RNF187: variants seen among roughly 807,000 people sequenced by gnomAD.
RNF187 encodes E3 ubiquitin-protein ligase RNF187.
In RNF187, 18 loss-of-function variants were observed where a neutral mutation model predicts 22.2. That is an observed-to-expected ratio of 0.81 (90% CI 0.56 to 1.20). The LOEUF (loss-of-function observed/expected upper bound fraction) is 1.20. Among genes scored for constraint, RNF187 ranks in the 50% most tolerant of loss-of-function variants. RNF187 has a pLI of 0.00. For missense variants in RNF187, 329 were observed against 317.6 expected (o/e 1.04, Z -0.27); for synonymous variants, 164 against 140.9 (o/e 1.16, Z -1.16).
At position 228,493,552 on chromosome 1, in the gene RNF187, C is replaced by T; in HGVS notation, c.705+278C>T. On this transcript the variant is annotated intron_variant, in intron 3 of 3. Coordinates refer to ENST00000305943, the MANE Select transcript of RNF187 (RefSeq NM_001010858.3). This position sits in a 1 kb window ranked among gnomAD's most constrained non-coding sequence, Gnocchi z 4.7. ...GAGCATGGAAGGCTCCTGCCTCGCC[C>T]TGGGGTCCTGAAGGCAGAAGCAGCC... Among the ~76,000 whole-genome samples the T allele has an allele frequency of 6.6e-6, 1 of 152,242 alleles. No homozygotes were observed. Among genetic ancestry groups the T allele is most frequent in the East Asian group, 1.9e-4 (1 of 5,202 alleles).
Position 228,495,121 on chromosome 1 carries a change from C to T in RNF187, c.*1236C>T. ...ATTGAGATGGGTGTGGGACCCTTTC[C>T]TTGGGGCCTGGGGGGAGATGGGGCT... On this transcript the variant is annotated 3_prime_UTR_variant, in exon 4 of 4. Transcript: ENST00000305943. The T allele has an allele frequency of 1.2e-6, 1 of 826,196 alleles. No homozygotes were observed. Among genetic ancestry groups the T allele is most frequent in the Non-Finnish European group, 1.5e-6 (1 of 684,510 alleles). 51.2% of individuals were successfully genotyped at this position (826,196 alleles called of 1,614,324 possible). A position where few individuals can be genotyped will look rare whatever the true frequency, so the allele number is the denominator to read the frequency against.
chr1:228,492,930 C>T, intron 2 of RNF187, 123 bp from the exon 3 acceptor site: 14 of 1,079,408 alleles, frequency 1.3e-5, no homozygotes, highest in East Asian at 1.0e-4. Flanking sequence ...GCCTAATAGT[C>T]GATGTGCCTG....
At chr1:228,488,785 G>A in intron 1 of RNF187, among the ~76,000 whole-genome samples, 175 bp from the exon 2 acceptor site, 1 of 152,244 alleles carries the variant, frequency 6.6e-6, no homozygotes, top group Admixed American at 6.5e-5. Flanking sequence ...TAGGTGTGAA[G>A]CCCAAGAAAC....
chr1:228,487,977 C>T, intron 1 of RNF187, 99 bp downstream of exon 1: 2 of 742,936 alleles, frequency 2.7e-6, no homozygotes, highest in Non-Finnish European at 3.4e-6. Context: ...CCCGTCTCCA[C>T]TGTTCCTGTC....
chr1:228,493,149 G>T lies in RNF187; in HGVS notation c.580G>T (p.Glu194Ter). The change falls in exon 3 of 4, where the codon GAG becomes TAG. Residue 194 changes from glutamate (E) to a stop codon, truncating the protein, a stop_gained. Transcript: ENST00000305943. LOFTEE classifies it high-confidence loss of function. The surrounding 1 kb of genome is among the most constrained non-coding windows in gnomAD (Gnocchi z 4.7). Reference sequence around the variant, plus strand: ...GGAGGAGCATTTCCTGCAGGAGGCTGAGAAGGAGGAGGGGCTCCCTGAGGA... The same window carrying T: ...GGAGGAGCATTTCCTGCAGGAGGCTTAGAAGGAGGAGGGGCTCCCTGAGGA... 2 of 1,551,770 alleles carry T rather than the reference G, an allele frequency of 1.3e-6. No individual in the cohort carries two copies. Among genetic ancestry groups the T allele is most frequent in the Non-Finnish European group, 1.7e-6 (2 of 1,147,014 alleles).
At position 228,493,780 on chromosome 1, in the gene RNF187, AT is replaced by A; in HGVS notation, c.706-102del. 8.0e-7 allele frequency: 1 copy of A among 1,251,026 alleles called. No homozygotes were observed. Among genetic ancestry groups the A allele is most frequent in the Non-Finnish European group, 1.1e-6 (1 of 874,556 alleles). 77.5% of individuals were successfully genotyped at this position (1,251,026 alleles called of 1,614,324 possible). On this transcript the variant is annotated intron_variant, in intron 3 of 3. Transcript: ENST00000305943. This position sits in a 1 kb window ranked among gnomAD's most constrained non-coding sequence, Gnocchi z 4.7. ...AGGACAGTACCTCATGCGCTGTCTC[AT>A]GTGCGCTCTCTCTTTCGCTCTCTCC... is the stretch of plus-strand genomic sequence containing the variant.
In RNF187 at chr1:228,493,345, G is replaced by A; in HGVS notation, c.705+71G>A. ...CGCAGGCAGCAGCGAGCCATTGGGG[G>A]ACCATTGCCCGAAGTCAAGGCTTAA... On this transcript the variant is annotated intron_variant, in intron 3 of 3. Coordinates refer to ENST00000305943, the MANE Select transcript of RNF187 (RefSeq NM_001010858.3). The surrounding 1 kb of genome is among the most constrained non-coding windows in gnomAD (Gnocchi z 4.7). The A allele has an allele frequency of 3.8e-5, 57 of 1,497,322 alleles. No homozygotes were observed. Among genetic ancestry groups the A allele is most frequent in the Non-Finnish European group, 5.1e-5 (57 of 1,117,688 alleles). 92.8% of individuals were successfully genotyped at this position (1,497,322 alleles called of 1,614,324 possible). A position where few individuals can be genotyped will look rare whatever the true frequency, so the allele number is the denominator to read the frequency against.
chr1:228,489,005 G>C lies in RNF187; in HGVS notation c.436G>C (p.Ala146Pro). ...AATCATGAGAAAGGACTTGAATGAC[G>C]CCCGGGACCTGCATGGCCAGGCAGA... The change falls in exon 2 of 4, where the codon GCC (alanine) becomes CCC (proline). Residue 146 changes from alanine to proline, a missense_variant. Coordinates refer to ENST00000305943, the MANE Select transcript of RNF187 (RefSeq NM_001010858.3). The C allele has an allele frequency of 6.4e-7, 1 of 1,550,632 alleles. No homozygotes were observed. Among genetic ancestry groups the C allele is most frequent in the Non-Finnish European group, 8.7e-7 (1 of 1,146,954 alleles).
chr1:228,494,004 C>G lies in RNF187; in HGVS notation c.*119C>G. Reference sequence around the variant, plus strand: ...GGCAGGCGCCTGGCCTTGGGTCCATCTACATAGTTGCGTGTTTCAACAATG... The same window carrying G: ...GGCAGGCGCCTGGCCTTGGGTCCATGTACATAGTTGCGTGTTTCAACAATG... On this transcript the variant is annotated 3_prime_UTR_variant, in exon 4 of 4. Coordinates refer to ENST00000305943, the MANE Select transcript of RNF187 (RefSeq NM_001010858.3). The G allele has an allele frequency of 1.9e-6, 3 of 1,550,402 alleles. No individual in the cohort carries two copies. The highest frequency in any genetic ancestry group is 1.2e-5 in the South Asian group (1 of 84,024).
chr1:228,495,454 G>A lies in RNF187; in HGVS notation c.*1569G>A. 5.1e-6 allele frequency: 5 copies of A among 984,884 alleles called. No individual in the cohort carries two copies. The highest frequency in any genetic ancestry group is 1.2e-6 in the Non-Finnish European group (1 of 829,542). 61.0% of individuals were successfully genotyped at this position (984,884 alleles called of 1,614,324 possible). On this transcript the variant is annotated 3_prime_UTR_variant, in exon 4 of 4. Transcript: ENST00000305943. ...AGATTCCAGAGCCTGGCCAGAGTTT[G>A]GCCAAGTAGAGAATCTTTGTCAGCA...
chr1:228,487,935 C>G, intron 1 of RNF187, 57 bp downstream of exon 1: 1 of 1,054,328 alleles, frequency 9.5e-7, no homozygotes, highest in African/African-American at 1.7e-5. Flanking sequence ...CCTCTCCGCC[C>G]CCGCCCCGGT....
Position 228,493,844 on chromosome 1 carries a change from T to C in RNF187, c.706-39T>C. On this transcript the variant is annotated intron_variant, in intron 3 of 3. Transcript: ENST00000305943. The surrounding 1 kb of genome is among the most constrained non-coding windows in gnomAD (Gnocchi z 4.7). ...CTCTGACTCTGTGTGTCTCTTTCTC[T>C]TTTTGTCTCTCTGTCTTTCCCTCTC... The C allele has an allele frequency of 3.9e-6, 6 of 1,549,628 alleles. No individual in the cohort carries two copies. Among genetic ancestry groups the C allele is most frequent in the East Asian group, 2.4e-5 (1 of 40,910 alleles).
chr1:228,491,974 A>C, intron 2 of RNF187, among the ~76,000 whole-genome samples: 2 of 152,146 alleles, frequency 1.3e-5, no homozygotes, highest in African/African-American at 4.8e-5. Flanking sequence ...ATTTTATTTG[A>C]TATGGGGAGG....
rs367995056 is a variant in RNF187 at position 228,493,184 on chromosome 1, T to A, written c.615T>A (p.Ala205=). The change falls in exon 3 of 4, where the codon GCT becomes GCA. Residue 205 remains alanine, a synonymous_variant. Coordinates refer to ENST00000305943, the MANE Select transcript of RNF187 (RefSeq NM_001010858.3). The surrounding 1 kb of genome is among the most constrained non-coding windows in gnomAD (Gnocchi z 4.7). ...AGGGGCTCCCTGAGGACGAGCTGGC[T>A]GACCCCACTGAGCGGTTCAGGTCAC... 1.2e-4 allele frequency: 182 copies of A among 1,551,590 alleles called. No individual in the cohort carries two copies. Among genetic ancestry groups the A allele is most frequent in the Non-Finnish European group, 1.5e-4 (173 of 1,147,014 alleles).
chr1:228,487,452 C>A lies in RNF187; in HGVS notation c.-37C>A. ...GTCTAGGTCTCCGGCCCTCCCCAGC[C>A]GCTCCTGCGCCCTTGCCGGCCCCGC... On this transcript the variant is annotated 5_prime_UTR_variant, in exon 1 of 4. Coordinates refer to ENST00000305943, the MANE Select transcript of RNF187 (RefSeq NM_001010858.3). 8.2e-6 allele frequency: 9 copies of A among 1,101,676 alleles called. No homozygotes were observed. Among genetic ancestry groups the A allele is most frequent in the Non-Finnish European group, 9.9e-6 (9 of 906,598 alleles). The allele number at this position is 1,101,676 out of a possible 1,614,324, so 68.2% of individuals were successfully genotyped here.
Position 228,493,404 on chromosome 1 carries a change from C to T in RNF187, c.705+130C>T. The stretch of plus-strand genomic sequence containing the variant: ...CCTGACTCCCACTGCCGTGGCCTTG[C>T]AGGGCTGAATTTCGGGAATGGGTGG... On this transcript the variant is annotated intron_variant, in intron 3 of 3. Transcript: ENST00000305943. This position sits in a 1 kb window ranked among gnomAD's most constrained non-coding sequence, Gnocchi z 4.7. The T allele has an allele frequency of 6.9e-7, 1 of 1,440,588 alleles. No homozygotes were observed. The highest frequency in any genetic ancestry group is 1.4e-5 in the African/African-American group (1 of 70,040). 89.2% of individuals were successfully genotyped at this position (1,440,588 alleles called of 1,614,324 possible).
Position 228,495,308 on chromosome 1 carries a change from A to C in RNF187, c.*1423A>C. ...GGCAGGGCGATCAGACATTGGCTGCAAACGGTCAGAGAGGAACCCAGTCAG... is the reference window on the plus strand; with the variant it reads ...GGCAGGGCGATCAGACATTGGCTGCCAACGGTCAGAGAGGAACCCAGTCAG... On this transcript the variant is annotated 3_prime_UTR_variant, in exon 4 of 4. Transcript: ENST00000305943. The C allele has an allele frequency of 3.5e-6, 1 of 286,086 alleles. No individual in the cohort carries two copies. The highest frequency in any genetic ancestry group is 6.5e-5 in the Admixed American group (1 of 15,394). The allele number at this position is 286,086 out of a possible 1,614,324, so 17.7% of individuals were successfully genotyped here. A position where few individuals can be genotyped will look rare whatever the true frequency, so the allele number is the denominator to read the frequency against.
intron 2 of RNF187, among the ~76,000 whole-genome samples, chr1:228,492,723 T>C: frequency 6.8e-6 from 1 of 147,258 alleles, no homozygotes; most frequent in African/African-American, 2.5e-5. Context: ...GCCTCCTGGA[T>C]TCAAGTGATT....
chr1:228,494,464 G>A lies in RNF187; in HGVS notation c.*579G>A. On this transcript the variant is annotated 3_prime_UTR_variant, in exon 4 of 4. Coordinates refer to ENST00000305943, the MANE Select transcript of RNF187 (RefSeq NM_001010858.3). ...GGCCCGGCCCAGCCTTATCCAAGTC[G>A]CTCTGTCCACCTCCCCCTTCCTGGC... The A allele has an allele frequency of 3.7e-5, 37 of 988,516 alleles. No homozygotes were observed. Among genetic ancestry groups the A allele is most frequent in the Middle Eastern group, 1.0e-3 (2 of 1,944 alleles). 61.2% of individuals were successfully genotyped at this position (988,516 alleles called of 1,614,324 possible). A position where few individuals can be genotyped will look rare whatever the true frequency, so the allele number is the denominator to read the frequency against.
Sources: gnomAD v4.1 joint callset for allele counts (sites outside exome capture counted in the v4.1 genomes callset) on GRCh38, gnomAD v4.1.1 for gene constraint, Gnocchi (gnomAD v3.1) non-coding constraint, MANE v1.5 for transcripts, NCBI Gene and HGNC (gene_info 2026-07-23, HGNC 2026-07-21) for gene names.